The following YTHDC1 variants were observed in gnomAD, a reference collection of about 807,000 sequenced individuals.
YTHDC1 encodes YTH domain-containing protein 1.
Under a neutral mutation model 107.0 loss-of-function variants are expected in YTHDC1, and 12 were observed. That is an observed-to-expected ratio of 0.11 (90% CI 0.07 to 0.18). The LOEUF (loss-of-function observed/expected upper bound fraction) is 0.18, where lower values mean the gene tolerates loss of function less well. Ranked by LOEUF, YTHDC1 falls within the 10% of genes least tolerant of loss-of-function variation. YTHDC1 has a pLI of 1.00. For missense variants in YTHDC1, 635 were observed against 898.8 expected (o/e 0.71, Z 3.75); for synonymous variants, 280 against 289.5 (o/e 0.97, Z 0.33).
intron 6 of YTHDC1, 84 bp from the exon 7 acceptor site, chr4:68,332,281 C>G: frequency 3.7e-6 from 3 of 806,564 alleles, no homozygotes; most frequent in Non-Finnish European, 5.7e-6. Context: ...GAAATTAGCC[C>G]TCCACAACCC....
In YTHDC1 at chr4:68,323,025, C is replaced by T; in HGVS notation, c.1435-110G>A. The T allele has an allele frequency of 2.9e-6, 3 of 1,051,098 alleles. No homozygotes were observed. The South Asian group carries it at 5.0e-5, about 18-fold the overall frequency. The allele number at this position is 1,051,098 out of a possible 1,614,324, so 65.1% of individuals were successfully genotyped here. A position where few individuals can be genotyped will look rare whatever the true frequency, so the allele number is the denominator to read the frequency against. On this transcript the variant is annotated intron_variant, in intron 10 of 16. Coordinates refer to ENST00000344157, the MANE Select transcript of YTHDC1 (RefSeq NM_001031732.4). Reference sequence around the variant, plus strand: ...TGACTTGGAAGCTTTCTTCCCAAGGCTGATGATCATATGGGATTCCAATAA... The same window carrying T: ...TGACTTGGAAGCTTTCTTCCCAAGGTTGATGATCATATGGGATTCCAATAA...
At chr4:68,336,950 T>C in intron 4 of YTHDC1, 77 bp downstream of exon 4, 1 of 1,502,388 alleles carries the variant, frequency 6.7e-7, no homozygotes, top group Admixed American at 2.3e-5. Context: ...CTCAACAATT[T>C]TATAATTTAA....
chr4:68,346,938 G>T (rs1202664343), intron 1 of YTHDC1, among the ~76,000 whole-genome samples: 2 of 152,092 alleles, frequency 1.3e-5, no homozygotes, highest in Non-Finnish European at 2.9e-5. Context: ...GTATTTACCA[G>T]GAAAATAAGG....
chr4:68,331,228 T>C (rs1022073737), intron 7 of YTHDC1, among the ~76,000 whole-genome samples: 3 of 152,130 alleles, frequency 2.0e-5, no homozygotes, highest in African/African-American at 7.2e-5. Context: ...CATTCCTTTT[T>C]CCCCTAATAT....
At chr4:68,349,423 G>C (rs1057507475) in intron 1 of YTHDC1, among the ~76,000 whole-genome samples, 2 of 152,166 alleles carry the variant, frequency 1.3e-5, no homozygotes, top group Non-Finnish European at 2.9e-5. Context: ...AATAAACCTA[G>C]GAGCTTGCAA....
chr4:68,337,186 C>G lies in YTHDC1; in HGVS notation c.724G>C (p.Glu242Gln). The change falls in exon 4 of 17, where the codon GAG becomes CAG. Residue 242 changes from glutamate (E) to glutamine (Q), a missense_variant. Transcript: ENST00000344157. The stretch of plus-strand genomic sequence containing the variant: ...TATTCTTCTTCTTCCTCCTCCTCCT[C>G]CTCCTCTTCCTCCTCCTCCTCTTCC... ...EEEEEEEEEE[E>Q]EEEEEEEYEQ... 1 of 1,604,174 alleles carries G rather than the reference C, an allele frequency of 6.2e-7. No individual in the cohort carries two copies. The highest frequency in any genetic ancestry group is 8.5e-7 in the Non-Finnish European group (1 of 1,171,674).
intron 1 of YTHDC1, among the ~76,000 whole-genome samples, chr4:68,349,005 T>C (rs1725761397): frequency 6.6e-6 from 1 of 152,294 alleles, no homozygotes; most frequent in African/African-American, 2.4e-5. Context: ...TACATTTCAC[T>C]GAAATTTATC....
rs1721566271 is a variant in YTHDC1, at chr4:68,314,218, G to A, written c.2065C>T (p.Arg689Cys). Residue 689 changes from arginine to cysteine, a missense_variant, in exon 17 of 17, where the codon CGC (arginine) becomes TGC (cysteine). By Grantham distance (180) the Arg-to-Cys change is radical. Transcript: ENST00000344157. ...RERDRERERD[R>C]PRDNRRDRER... ...CTGTCTCGTCTGTTATCTCTAGGGCGGTCTCGCTCTCGTTCCCGGTCTCTT... is the reference window on the plus strand; with the variant it reads ...CTGTCTCGTCTGTTATCTCTAGGGCAGTCTCGCTCTCGTTCCCGGTCTCTT... 5 of 1,613,214 alleles carry A rather than the reference G, an allele frequency of 3.1e-6. No homozygotes were observed. The highest frequency in any genetic ancestry group is 1.1e-5 in the South Asian group (1 of 91,008).
chr4:68,323,243 T>C (rs559312040), intron 10 of YTHDC1, among the ~76,000 whole-genome samples: 2 of 151,870 alleles, frequency 1.3e-5, no homozygotes, highest in Admixed American at 1.3e-4. Context: ...TTTAATACAA[T>C]GGAAAAAAAA....
At position 68,313,404 on chromosome 4, in the gene YTHDC1, G is replaced by A. The variant is rs1162138122; in HGVS notation, c.*695C>T. On this transcript the variant is annotated 3_prime_UTR_variant, in exon 17 of 17. Coordinates refer to ENST00000344157, the MANE Select transcript of YTHDC1 (RefSeq NM_001031732.4). ...TCGTCTTCCGCTGCCACGCACGCAAGTTGTGAACATTCCAAGCCAATGTAT... is the reference window on the plus strand; with the variant it reads ...TCGTCTTCCGCTGCCACGCACGCAAATTGTGAACATTCCAAGCCAATGTAT... 1 of 152,642 alleles carries A rather than the reference G, an allele frequency of 6.6e-6. No homozygotes were observed. Among genetic ancestry groups the A allele is most frequent in the Admixed American group, 6.5e-5 (1 of 15,274 alleles). The allele number at this position is 152,642 out of a possible 1,614,324, so 9.5% of individuals were successfully genotyped here.
At chr4:68,335,583 T>C (rs190438177) in intron 4 of YTHDC1, among the ~76,000 whole-genome samples, 53 of 152,244 alleles carry the variant, frequency 3.5e-4, no homozygotes, top group Non-Finnish European at 6.2e-4. Flanking sequence ...CTTTGTTTAA[T>C]GTAAACAATA....
rs72651911 is a variant in YTHDC1 at position 68,339,603 on chromosome 4, C to T, written c.29-1219G>A. On this transcript the variant is annotated intron_variant, in intron 1 of 16. Transcript: ENST00000344157. Reference sequence around the variant, plus strand: ...CAGGAAAAAAGTGTGCACACATGCACGTACACACACAGACACACAGAATGA... The same window carrying T: ...CAGGAAAAAAGTGTGCACACATGCATGTACACACACAGACACACAGAATGA... 3.9e-3 allele frequency among the ~76,000 whole-genome samples: 387 copies of T among 100,142 alleles called. 1 individual carries two copies. Among genetic ancestry groups the T allele is most frequent in the Admixed American group, 9.9e-3 (103 of 10,380 alleles). The allele number at this position is 100,142 out of a possible 152,430, so 65.7% of individuals were successfully genotyped here.
At chr4:68,319,230 C>CT (rs1181089193) in intron 12 of YTHDC1, among the ~76,000 whole-genome samples, 9 of 152,060 alleles carry the variant, frequency 5.9e-5, no homozygotes, top group Admixed American at 1.3e-4. Flanking sequence ...TACTTTCCAC[C>CT]TTGGGTATAT....
rs562328186 is a variant in YTHDC1, at chr4:68,332,262, G to A, written c.1028-65C>T. 40 of 1,085,252 alleles carry A rather than the reference G, an allele frequency of 3.7e-5. No homozygotes were observed. In the African/African-American group the frequency reaches 5.9e-4, roughly 16 times the overall value. 67.2% of individuals were successfully genotyped at this position (1,085,252 alleles called of 1,614,324 possible). On this transcript the variant is annotated intron_variant, in intron 6 of 16. Transcript: ENST00000344157. ...ATTATCACACAAAGGGGTCAAAACTGTACTAACTGAAATTAGCCCTCCACA... is the reference window on the plus strand; with the variant it reads ...ATTATCACACAAAGGGGTCAAAACTATACTAACTGAAATTAGCCCTCCACA...
intron 1 of YTHDC1, among the ~76,000 whole-genome samples, chr4:68,344,872 CA>C (rs925032398): frequency 2.0e-5 from 3 of 151,908 alleles, no homozygotes; most frequent in Non-Finnish European, 2.9e-5. Context: ...CCCATCTCTA[CA>C]AAAAACACAA....
At position 68,318,713 on chromosome 4, in the gene YTHDC1, G is replaced by A. The variant is rs747642815; in HGVS notation, c.1738C>T (p.Arg580Cys). The A allele has an allele frequency of 1.7e-5, 28 of 1,613,848 alleles. No individual in the cohort carries two copies. The highest frequency in any genetic ancestry group is 2.3e-5 in the Non-Finnish European group (27 of 1,179,988). ...QEVDRRFSGV[R>C]RDVFLNGSYN... is the part of the protein sequence containing the mutation. Reference sequence around the variant, plus strand: ...ACCCCATTTAAAAACACATCTCGGCGAACTCCTGAAAATCGTCTGTTGGGA... The same window carrying A: ...ACCCCATTTAAAAACACATCTCGGCAAACTCCTGAAAATCGTCTGTTGGGA... The change falls in exon 14 of 17, where the codon CGC (arginine) becomes TGC (cysteine). Residue 580 changes from arginine to cysteine, a missense_variant. By Grantham distance (180) the Arg-to-Cys change is radical. Coordinates refer to ENST00000344157, the MANE Select transcript of YTHDC1 (RefSeq NM_001031732.4).
rs754700319 is a variant in YTHDC1, at chr4:68,329,991, G to C, written c.1349+11C>G. 4 of 1,595,430 alleles carry C rather than the reference G, an allele frequency of 2.5e-6. No homozygotes were observed. The highest frequency in any genetic ancestry group is 3.4e-6 in the Non-Finnish European group (4 of 1,163,552). On this transcript the variant is annotated intron_variant, in intron 9 of 16. Transcript: ENST00000344157. Reference sequence around the variant, plus strand: ...AAATTTCAGTTATCTATACTGAAGTGTATAATTTACCTGCAAATCCAGTCA... The same window carrying C: ...AAATTTCAGTTATCTATACTGAAGTCTATAATTTACCTGCAAATCCAGTCA...
chr4:68,341,056 T>A (rs1331340467), intron 1 of YTHDC1, among the ~76,000 whole-genome samples: 2 of 152,092 alleles, frequency 1.3e-5, no homozygotes, highest in Non-Finnish European at 2.9e-5. Context: ...TTGTCACTTT[T>A]AAAATTTTAT....
chr4:68,316,439 G>A lies in YTHDC1; in HGVS notation c.1834C>T (p.Pro612Ser). The change falls in exon 16 of 17, where the codon CCA becomes TCA. Residue 612 changes from proline to serine, a missense_variant. This residue lies in a region of YTHDC1 where 256 missense variants were observed against 372.9 expected (regional missense o/e 0.69). Transcript: ENST00000344157. ...TGGTGTGGAGGTTGTTCCATTCCTG[G>A]GTAAGGGGGCTAAAAAAGGAAAACC... ...PPPWQGMPPY[P>S]GMEQPPHHPY... The A allele has an allele frequency of 6.2e-7, 1 of 1,612,196 alleles. No homozygotes were observed. Among genetic ancestry groups the A allele is most frequent in the Non-Finnish European group, 8.5e-7 (1 of 1,179,376 alleles).
Sources: gnomAD v4.1 joint callset for allele counts (sites outside exome capture counted in the v4.1 genomes callset) on GRCh38, gnomAD v4.1.1 for gene constraint, gnomAD v4.1.1 regional missense constraint, MANE v1.5 for transcripts, NCBI Gene and HGNC (gene_info 2026-07-23, HGNC 2026-07-21) for gene names.